The following GRM8 variants were observed in gnomAD, a reference collection of about 807,000 sequenced individuals.
GRM8 encodes the protein glutamate metabotropic receptor 8, also known as metabotropic glutamate receptor 8.
A neutral mutation model predicts 87.2 loss-of-function variants in GRM8; 47 were observed. That is an observed-to-expected ratio of 0.54 (90% CI 0.43 to 0.69). GRM8 has a LOEUF of 0.69. Among genes scored for constraint, GRM8 ranks in the 30% least tolerant of loss-of-function variants. The probability of loss-of-function intolerance (pLI) is 0.00; values close to 1 mark genes in which losing one functional copy is unlikely to be tolerated. For synonymous variants in GRM8, 396 were observed against 404.5 expected (o/e 0.98, Z 0.25); for missense variants, 1,019 against 1,139.2 (o/e 0.89, Z 1.52).
At chr7:127,001,740 A>G (rs1166065444) in intron 3 of GRM8, among the ~76,000 whole-genome samples, 1 of 151,546 alleles carries the variant, frequency 6.6e-6, no homozygotes, top group African/African-American at 2.4e-5. Flanking sequence ...CACAATAACC[A>G]TATCAGATTT....
intron 6 of GRM8, among the ~76,000 whole-genome samples, chr7:126,797,947 ATTT>A (rs1822156170): frequency 6.6e-6 from 1 of 152,156 alleles, no homozygotes; most frequent in Non-Finnish European, 1.5e-5. Context: ...AACTGATAGT[ATTT>A]GAAAAATGAT....
At chr7:126,746,247 T>G (rs1047511624) in intron 7 of GRM8, among the ~76,000 whole-genome samples, 8 of 151,746 alleles carry the variant, frequency 5.3e-5, no homozygotes, top group Non-Finnish European at 1.2e-4. Context: ...AATGGAGACA[T>G]TTCTGTGTTA....
intron 3 of GRM8, among the ~76,000 whole-genome samples, chr7:126,953,549 G>A (rs756925707): frequency 3.3e-5 from 5 of 152,034 alleles, no homozygotes; most frequent in Non-Finnish European, 7.4e-5. Context: ...CTGATGTGTT[G>A]CATTTATTTG....
rs569126943 is a variant in GRM8 at position 126,944,015 on chromosome 7, ACCT to A, written c.728-39335_728-39333del. Among the ~76,000 whole-genome samples, 30 of 152,208 alleles carry A rather than the reference ACCT, an allele frequency of 2.0e-4. 1 individual carries two copies. In the South Asian group the frequency reaches 6.0e-3, roughly 31 times the overall value. ...TCTGTCTTTCCAGGTAGATCTGCTG[ACCT>A]CCTTCTTGTGCTAAATCTATTAACA... On this transcript the variant is annotated intron_variant, in intron 3 of 10. Transcript: ENST00000339582.
At chr7:126,470,519 C>T (rs183192495) in intron 9 of GRM8, among the ~76,000 whole-genome samples, 75 of 152,142 alleles carry the variant, frequency 4.9e-4, no homozygotes, top group African/African-American at 1.7e-3. Flanking sequence ...AGGACATGAA[C>T]TCATCATTTT....
At chr7:127,128,601 T>C (rs1827506543) in intron 2 of GRM8, among the ~76,000 whole-genome samples, 1 of 152,178 alleles carries the variant, frequency 6.6e-6, no homozygotes, top group Admixed American at 6.5e-5. Context: ...ATGTATACTA[T>C]AACTTTTGCA....
At chr7:126,879,499 AGCC>A (rs1799837545) in intron 6 of GRM8, among the ~76,000 whole-genome samples, 1 of 152,156 alleles carries the variant, frequency 6.6e-6, no homozygotes, top group African/African-American at 2.4e-5. Flanking sequence ...CCTTCAGGAA[AGCC>A]ATTTAAAACA....
intron 9 of GRM8, among the ~76,000 whole-genome samples, chr7:126,457,235 C>T (rs1803362731): frequency 6.6e-6 from 1 of 151,006 alleles, no homozygotes; most frequent in Non-Finnish European, 1.5e-5. Flanking sequence ...AGGATGGAGA[C>T]TATAAATATT....
intron 7 of GRM8, among the ~76,000 whole-genome samples, chr7:126,739,434 CAT>C (rs57725526): frequency 3.3e-5 from 5 of 151,000 alleles, no homozygotes; most frequent in African/African-American, 1.2e-4. Context: ...ACACACACCA[CAT>C]ACAAAACATA....
intron 3 of GRM8, among the ~76,000 whole-genome samples, chr7:127,025,334 T>G (rs891570634): frequency 6.6e-6 from 1 of 152,054 alleles, no homozygotes; most frequent in African/African-American, 2.4e-5. Context: ...ACTAGACCCT[T>G]GGGGACCATC....
intron 7 of GRM8, among the ~76,000 whole-genome samples, chr7:126,621,546 G>A (rs1303125153): frequency 6.6e-6 from 1 of 152,014 alleles, no homozygotes; most frequent in African/African-American, 2.4e-5. Context: ...AGCTTCCTGA[G>A]TAGCTGGGAT....
chr7:127,246,080 A>G (rs1649697706), intron 1 of GRM8, among the ~76,000 whole-genome samples: 1 of 152,222 alleles, frequency 6.6e-6, no homozygotes, highest in Non-Finnish European at 1.5e-5. Flanking sequence ...TAAATCTTCC[A>G]TTTATTTCAA....
intron 9 of GRM8, among the ~76,000 whole-genome samples, chr7:126,508,251 GCACACACACA>G (rs10609479): frequency 9.3e-5 from 14 of 150,352 alleles, no homozygotes; most frequent in African/African-American, 3.4e-4. Context: ...ACACACACTG[GCACACACACA>G]CACACACACG....
intron 3 of GRM8, among the ~76,000 whole-genome samples, chr7:126,997,764 A>T (rs1256145341): frequency 2.0e-5 from 3 of 151,898 alleles, no homozygotes; most frequent in African/African-American, 7.2e-5. Context: ...CAGACCAATA[A>T]CAAAGTAACA....
chr7:126,800,728 C>T (rs1351561504), intron 6 of GRM8, among the ~76,000 whole-genome samples: 2 of 152,050 alleles, frequency 1.3e-5, no homozygotes, highest in African/African-American at 2.4e-5. Flanking sequence ...GATTAATTAA[C>T]GTTTAAAATA....
intron 3 of GRM8, among the ~76,000 whole-genome samples, chr7:127,008,379 AAAG>A (rs1434979972): frequency 1.3e-5 from 2 of 152,114 alleles, no homozygotes; most frequent in Non-Finnish European, 2.9e-5. Context: ...TAAGAATATG[AAAG>A]AAGAAGAAAA....
intron 6 of GRM8, among the ~76,000 whole-genome samples, chr7:126,770,722 G>C (rs953815576): frequency 1.3e-5 from 2 of 152,056 alleles, no homozygotes; most frequent in African/African-American, 4.8e-5. Context: ...ATTGGCACTG[G>C]AGATTACTTT....
chr7:126,679,454 G>A (rs758895335), intron 7 of GRM8, among the ~76,000 whole-genome samples: 6 of 152,094 alleles, frequency 3.9e-5, no homozygotes, highest in Non-Finnish European at 7.4e-5. Flanking sequence ...TTAGTATAAT[G>A]TTCTTATCTA....
intron 2 of GRM8, among the ~76,000 whole-genome samples, chr7:127,200,462 G>A (rs1364061990): frequency 3.3e-5 from 5 of 152,124 alleles, no homozygotes; most frequent in Non-Finnish European, 5.9e-5. Context: ...ATAAAAACAG[G>A]AGAAGTATGG....
Sources: allele counts gnomAD v4.1 joint callset (sites outside exome capture counted in the v4.1 genomes callset), GRCh38; gene constraint gnomAD v4.1.1; transcripts MANE v1.5; gene names NCBI Gene and HGNC (gene_info 2026-07-23, HGNC 2026-07-21).